Variants in PRKD3 observed in about 807,000 individuals in gnomAD.
PRKD3 encodes the protein protein kinase D3.
In PRKD3, 47 loss-of-function variants were observed where a neutral mutation model predicts 99.2. The ratio of observed to expected loss-of-function variants is 0.47; its 90% CI spans 0.38 to 0.60. The LOEUF (loss-of-function observed/expected upper bound fraction) is 0.60. Ranked by LOEUF, PRKD3 falls within the 20% of genes least tolerant of loss-of-function variation. The probability of loss-of-function intolerance (pLI) is 0.00; values close to 1 mark genes in which losing one functional copy is unlikely to be tolerated. For synonymous variants in PRKD3, 392 were observed against 355.4 expected (o/e 1.10, Z -1.16); for missense variants, 1,019 against 1,088.4 (o/e 0.94, Z 0.90).
At chr2:37,264,714 G>C (rs1388316742) in intron 14 of PRKD3, among the ~76,000 whole-genome samples, 2 of 151,992 alleles carry the variant, frequency 1.3e-5, no homozygotes, top group Non-Finnish European at 2.9e-5. Flanking sequence ...TTGAGATATA[G>C]CAAGAAAGTC....
intron 2 of PRKD3, among the ~76,000 whole-genome samples, chr2:37,297,216 G>C (rs1670713859): frequency 6.6e-6 from 1 of 152,114 alleles, no homozygotes. Flanking sequence ...AGGATGCTTA[G>C]GCTATCATTT....
chr2:37,290,335 C>G (rs192044323), intron 4 of PRKD3, among the ~76,000 whole-genome samples: 13 of 152,184 alleles, frequency 8.5e-5, no homozygotes, highest in African/African-American at 2.9e-4. Context: ...CAGGTTCAAG[C>G]GATTCTCCTG....
chr2:37,272,526 GT>G, intron 11 of PRKD3, 94 bp from the exon 12 acceptor site: 1 of 1,434,438 alleles, frequency 7.0e-7, no homozygotes, highest in South Asian at 1.4e-5. Flanking sequence ...ACTTTAAAAA[GT>G]TTAGCACACA....
chr2:37,283,229 G>A (rs903429489), intron 6 of PRKD3, among the ~76,000 whole-genome samples: 1 of 152,166 alleles, frequency 6.6e-6, no homozygotes, highest in African/African-American at 2.4e-5. Context: ...AGCTTCATTA[G>A]GAAACTTGTT....
intron 1 of PRKD3, among the ~76,000 whole-genome samples, chr2:37,319,762 A>C (rs905115451): frequency 1.3e-5 from 2 of 152,206 alleles, no homozygotes; most frequent in Non-Finnish European, 2.9e-5. Flanking sequence ...GATTTAAAAA[A>C]AAAAAAATCA....
intron 6 of PRKD3, among the ~76,000 whole-genome samples, chr2:37,283,256 G>A (rs115178307): frequency 0.012 from 1,754 of 152,276 alleles, 27 homozygotes; most frequent in African/African-American, 0.04. Context: ...GCAAATTCTT[G>A]CGCCCTATCC....
rs559866352 is a variant in PRKD3 at position 37,293,846 on chromosome 2, TGTGAAG to T, written c.289-581_289-576del. On this transcript the variant is annotated intron_variant, in intron 2 of 18. Transcript: ENST00000234179. ...CCTATTTCATACTGTAGCCCTTCTT[TGTGAAG>T]ACCCACCCACAAAATAACTTTATCT... 2.6e-3 allele frequency among the ~76,000 whole-genome samples: 396 copies of T among 152,350 alleles called. 3 individuals are homozygous for T. The highest frequency in any genetic ancestry group is 0.022 in the Admixed American group (334 of 15,304).
At chr2:37,257,908 T>G (rs1437624671) in intron 16 of PRKD3, among the ~76,000 whole-genome samples, 1 of 152,104 alleles carries the variant, frequency 6.6e-6, no homozygotes, top group East Asian at 1.9e-4. Context: ...ATGTTTAGAT[T>G]TGAAAACAGT....
chr2:37,275,357 AAGG>A (rs1406036507), intron 10 of PRKD3, among the ~76,000 whole-genome samples: 3 of 152,172 alleles, frequency 2.0e-5, no homozygotes, highest in African/African-American at 7.2e-5. Flanking sequence ...AGACTGTAAA[AAGG>A]AGATTAAGAG....
intron 6 of PRKD3, among the ~76,000 whole-genome samples, chr2:37,283,917 A>T (rs1384336113): frequency 1.3e-5 from 2 of 151,794 alleles, no homozygotes; most frequent in African/African-American, 2.4e-5. Context: ...AAAAAAAAAA[A>T]AAAATTCAGA....
chr2:37,304,934 G>A (rs144936747), intron 2 of PRKD3, among the ~76,000 whole-genome samples: 41 of 150,652 alleles, frequency 2.7e-4, no homozygotes, highest in South Asian at 2.1e-4. Context: ...TCTAGCCAAG[G>A]TCTTATGATG....
At chr2:37,283,084 C>A (rs1669930285) in intron 6 of PRKD3, among the ~76,000 whole-genome samples, 1 of 152,210 alleles carries the variant, frequency 6.6e-6, no homozygotes, top group Admixed American at 6.5e-5. Flanking sequence ...CAGCACAAGG[C>A]CTCCCACTTT....
At chr2:37,299,411 G>A (rs899129011) in intron 2 of PRKD3, among the ~76,000 whole-genome samples, 3 of 151,794 alleles carry the variant, frequency 2.0e-5, no homozygotes, top group Non-Finnish European at 2.9e-5. Flanking sequence ...GACTCACACT[G>A]ATAATCCTAG....
At chr2:37,263,974 C>T (rs545091304) in intron 14 of PRKD3, among the ~76,000 whole-genome samples, 5 of 152,248 alleles carry the variant, frequency 3.3e-5, no homozygotes, top group East Asian at 3.9e-4. Context: ...TTTTTGATAA[C>T]GTTTTCTAAT....
At chr2:37,282,232 T>C in intron 7 of PRKD3, 1 of 280,014 alleles carries the variant, frequency 3.6e-6, no homozygotes. Flanking sequence ...ATATTAGAAC[T>C]ATGAAAGAAT....
chr2:37,298,080 TAG>T (rs1670752756), intron 2 of PRKD3, among the ~76,000 whole-genome samples: 1 of 152,220 alleles, frequency 6.6e-6, no homozygotes, highest in Non-Finnish European at 1.5e-5. Context: ...TATATCAATA[TAG>T]ACTCATGGAT....
rs554168352 is a variant in PRKD3 at position 37,274,819 on chromosome 2, C to T, written c.1375-122G>A. ...CATTAAGACGGACACAAGTATGCAA[C>T]ATTTAATACACAGTTGAGTCTTATG... On this transcript the variant is annotated intron_variant, in intron 10 of 18. Transcript: ENST00000234179. 4 of 939,744 alleles carry T rather than the reference C, an allele frequency of 4.3e-6. No individual in the cohort carries two copies. In the East Asian group the frequency reaches 1.1e-4, roughly 25 times the overall value. 58.2% of individuals were successfully genotyped at this position (939,744 alleles called of 1,614,324 possible).
chr2:37,291,739 G>T (rs1178164718), intron 3 of PRKD3, among the ~76,000 whole-genome samples: 4 of 152,138 alleles, frequency 2.6e-5, no homozygotes, highest in Admixed American at 6.5e-5. Context: ...GATGAGAGGA[G>T]TGGGGACTAA....
chr2:37,314,683 T>C (rs1387506242), intron 2 of PRKD3, among the ~76,000 whole-genome samples: 1 of 152,008 alleles, frequency 6.6e-6, no homozygotes, highest in Admixed American at 6.6e-5. Flanking sequence ...AACTAAATCA[T>C]AGAGAGTCAT....
Sources: gnomAD v4.1 joint callset for allele counts (sites outside exome capture counted in the v4.1 genomes callset) on GRCh38, gnomAD v4.1.1 for gene constraint, MANE v1.5 for transcripts, NCBI Gene and HGNC (gene_info 2026-07-23, HGNC 2026-07-21) for gene names.